The following DIDO1 variants were observed in gnomAD, a reference collection of about 807,000 sequenced individuals.
DIDO1 encodes the protein death inducer-obliterator 1, also known as death-inducer obliterator 1.
Under a neutral mutation model 99.4 loss-of-function variants are expected in DIDO1, and 16 were observed. The ratio of observed to expected loss-of-function variants is 0.16; its 90% CI spans 0.11 to 0.24. DIDO1 has a LOEUF of 0.24. DIDO1 is among the 10% of genes least tolerant of loss of function. The probability of loss-of-function intolerance (pLI) is 1.00; values close to 1 mark genes in which losing one functional copy is unlikely to be tolerated. For missense variants in DIDO1, 2,996 were observed against 3,014.0 expected, an observed-to-expected ratio of 0.99 and a Z score of 0.14; for synonymous variants, 1,366 against 1,239.1, an observed-to-expected ratio of 1.10 and a Z score of -2.15.
At chr20:62,886,749 A>G in intron 15 of DIDO1, among the ~76,000 whole-genome samples, 1 of 151,892 alleles carries the variant, frequency 6.6e-6, no homozygotes, top group Non-Finnish European at 1.5e-5. Context: ...TAAAATGAAA[A>G]CTCTCTCAAT....
rs1361699837 is a variant in DIDO1, at chr20:62,918,947, G to C, written c.-199-4541C>G. Among the ~76,000 whole-genome samples, 5 of 152,236 alleles carry C rather than the reference G, an allele frequency of 3.3e-5. 2 individuals are homozygous for C. In the South Asian group the frequency reaches 1.0e-3, roughly 32 times the overall value. The stretch of plus-strand genomic sequence containing the variant: ...TAGCTCAGTTTTCATTAATGCGACA[G>C]TCACTAGGAGAATATGCCTAGAAAC... On this transcript the variant is annotated intron_variant, in intron 1 of 15. Transcript: ENST00000395343.
At chr20:62,929,708 T>TACAC (rs1555853796), upstream of DIDO1, among the ~76,000 whole-genome samples, 61 of 132,624 alleles carry the variant, frequency 4.6e-4, 5 homozygotes, top group African/African-American at 1.9e-3. Flanking sequence ...TATATATATA[T>TACAC]ATATGCCTAC....
At chr20:62,917,038 T>TG (rs1462207586) in intron 1 of DIDO1, among the ~76,000 whole-genome samples, 24 of 152,130 alleles carry the variant, frequency 1.6e-4, no homozygotes, top group African/African-American at 5.8e-4. Flanking sequence ...AAACATTTTT[T>TG]TTCCTGTTGC....
intron 8 of DIDO1, among the ~76,000 whole-genome samples, chr20:62,895,498 T>G (rs1022507916): frequency 6.6e-6 from 1 of 152,106 alleles, no homozygotes; most frequent in African/African-American, 2.4e-5. Flanking sequence ...GAAAAACAAT[T>G]ATGTACACAA....
chr20:62,924,553 ACT>A (rs1166268890), intron 1 of DIDO1, among the ~76,000 whole-genome samples: 1 of 151,990 alleles, frequency 6.6e-6, no homozygotes, highest in Non-Finnish European at 1.5e-5. Flanking sequence ...CTGTAGAAAA[ACT>A]CACAGTATCA....
At chr20:62,895,247 CAGA>C (rs2064492382) in intron 8 of DIDO1, 82 bp from the exon 9 acceptor site, 2 of 1,346,330 alleles carry the variant, frequency 1.5e-6, no homozygotes, top group African/African-American at 1.4e-5. Context: ...CACAGCTGCC[CAGA>C]AGTTTAGCGG....
At position 62,911,146 on chromosome 20, in the gene DIDO1, C is replaced by T. The variant is rs2064927774; in HGVS notation, c.467G>A (p.Ser156Asn). 2 of 1,614,130 alleles carry T rather than the reference C, an allele frequency of 1.2e-6. No homozygotes were observed. Among genetic ancestry groups the T allele is most frequent in the Non-Finnish European group, 1.7e-6 (2 of 1,180,048 alleles). The stretch of plus-strand genomic sequence containing the variant: ...AAGCTCTTTCAAGGTCAGGCCATCG[C>T]TGTCACTATCGGAGGTGTCATCGTG... ...DDHDDTSDSD[S>N]DGLTLKELQN... The change falls in exon 3 of 16, where the codon AGC (serine) becomes AAC (asparagine). Residue 156 changes from serine to asparagine, a missense_variant. Physicochemically the swap from Ser to Asn is conservative, Grantham distance 46. Coordinates refer to ENST00000395343, the MANE Select transcript of DIDO1 (RefSeq NM_001193369.2). The surrounding 1 kb of genome is among the most constrained non-coding windows in gnomAD (Gnocchi z 7.0).
At chr20:62,918,994 C>A (rs76406324) in intron 1 of DIDO1, among the ~76,000 whole-genome samples, 1 of 152,242 alleles carries the variant, frequency 6.6e-6, no homozygotes, top group Non-Finnish European at 1.5e-5. Context: ...TCCCCAAATG[C>A]GACGTGTTCT....
rs769576701 is a variant in DIDO1, at chr20:62,880,373, G to A, written c.5583C>T (p.Asn1861=). ...ACTGGGCGGGGGCGCCCGTCACCTC[G>A]TTATACGGGGCGTCCTGGAACTCCC... ...EKREFQDAPY[N]EVTGAPAQFE... is the part of the protein sequence containing the mutation. The change falls in exon 16 of 16, where the codon AAC becomes AAT. Residue 1861 remains asparagine, a synonymous_variant. Coordinates refer to ENST00000395343, the MANE Select transcript of DIDO1 (RefSeq NM_001193369.2). 9.3e-6 allele frequency: 15 copies of A among 1,612,800 alleles called. No homozygotes were observed. Among genetic ancestry groups the A allele is most frequent in the South Asian group, 7.7e-5 (7 of 91,072 alleles).
chr20:62,932,409 G>GT (rs1902268270), intron 1 of DIDO1, among the ~76,000 whole-genome samples: 1 of 152,194 alleles, frequency 6.6e-6, no homozygotes, highest in South Asian at 2.1e-4. Flanking sequence ...CTATCCACAT[G>GT]TATGTGTGTA....
chr20:62,882,505 C>T, intron 15 of DIDO1, 91 bp from the exon 16 acceptor site: 2 of 1,254,032 alleles, frequency 1.6e-6, no homozygotes, highest in East Asian at 2.4e-5. Context: ...TCACGGGGAA[C>T]GTTTAATAGA....
chr20:62,936,510 A>G (rs1264665075), intron 1 of DIDO1, among the ~76,000 whole-genome samples: 1 of 143,532 alleles, frequency 7.0e-6, no homozygotes, highest in Admixed American at 6.9e-5. Flanking sequence ...AGTCGAGATC[A>G]TGACAGTGCA....
intron 1 of DIDO1, among the ~76,000 whole-genome samples, chr20:62,921,636 T>TA (rs1568884531): frequency 6.6e-6 from 1 of 150,556 alleles, no homozygotes; most frequent in Non-Finnish European, 1.5e-5. Context: ...CAGCCAATTT[T>TA]TTTTTTTTTT....
At chr20:62,932,302 G>T (rs1015635363) in intron 1 of DIDO1, among the ~76,000 whole-genome samples, 6 of 152,188 alleles carry the variant, frequency 3.9e-5, no homozygotes, top group African/African-American at 1.4e-4. Context: ...AGGCCAGCCT[G>T]GGAAACATAG....
Position 62,894,490 on chromosome 20 carries a change from A to T in DIDO1, c.2495T>A (p.Val832Asp). ...GGTGTCTTTCAACATGCTGCTGAAG[A>T]CGTCGAGAAGCGGCGCTGTGCTCTT... ...PEKSTAPLLD[V>D]FSSMLKDTTS... The change falls in exon 11 of 16, where the codon GTC (valine) becomes GAC (aspartate). Residue 832 changes from valine (V) to aspartate (D), a missense_variant. Transcript: ENST00000395343. This position sits in a 1 kb window ranked among gnomAD's most constrained non-coding sequence, Gnocchi z 4.4. 6.2e-7 allele frequency: 1 copy of T among 1,613,512 alleles called. No individual in the cohort carries two copies. Among genetic ancestry groups the T allele is most frequent in the Non-Finnish European group, 8.5e-7 (1 of 1,180,018 alleles).
chr20:62,895,201 T>C (rs1483168910), intron 8 of DIDO1, 36 bp from the exon 9 acceptor site: 1 of 1,548,934 alleles, frequency 6.5e-7, no homozygotes, highest in African/African-American at 1.4e-5. Flanking sequence ...TCAAATAATA[T>C]TCCTATATCT....
Position 62,879,484 on chromosome 20 carries a change from C to T in DIDO1, c.6472G>A (p.Asp2158Asn). ...CCCCGGTCGGCCTCGCGCTCTCGGT[C>T]GCGGTTGGCGCTCCTCTCCCGGTTT... is the stretch of plus-strand genomic sequence containing the variant. Reference protein sequence around the residue: ...DRNRERSANRDREREADRGKE... With the variant: ...DRNRERSANRNREREADRGKE... The change falls in exon 16 of 16, where the codon GAC (aspartate) becomes AAC (asparagine). Residue 2158 changes from aspartate to asparagine, a missense_variant. Asp to Asn is a conservative substitution (Grantham distance 23). Transcript: ENST00000395343. This position sits in a 1 kb window ranked among gnomAD's most constrained non-coding sequence, Gnocchi z 6.3. 1.3e-6 allele frequency: 2 copies of T among 1,587,964 alleles called. No individual in the cohort carries two copies. The highest frequency in any genetic ancestry group is 8.5e-7 in the Non-Finnish European group (1 of 1,174,108).
At chr20:62,887,524 C>G in intron 15 of DIDO1, 1 of 985,454 alleles carries the variant, frequency 1.0e-6, no homozygotes. Context: ...TCCTCCTGCC[C>G]TGTACTTGGG....
chr20:62,922,287 T>G (rs560801383), intron 1 of DIDO1, among the ~76,000 whole-genome samples: 2 of 151,756 alleles, frequency 1.3e-5, no homozygotes, highest in East Asian at 1.9e-4. Context: ...GGTGTCTACC[T>G]GGCCTGTGTC....
Sources: allele counts gnomAD v4.1 joint callset (sites outside exome capture counted in the v4.1 genomes callset), GRCh38; gene constraint gnomAD v4.1.1; non-coding constraint Gnocchi (gnomAD v3.1); transcripts MANE v1.5; gene names NCBI Gene and HGNC (gene_info 2026-07-23, HGNC 2026-07-21).